The following MED12L variants were observed in gnomAD, a reference collection of about 807,000 sequenced individuals.
MED12L encodes mediator of RNA polymerase II transcription subunit 12-like protein.
Under a neutral mutation model 281.3 loss-of-function variants are expected in MED12L, and 60 were observed. The ratio of observed to expected loss-of-function variants is 0.21; its 90% confidence interval spans 0.17 to 0.26. The LOEUF is 0.26. MED12L is among the 10% of genes least tolerant of loss of function. MED12L has a pLI of 1.00. For missense variants in MED12L, 2,146 were observed against 2,680.9 expected (o/e 0.80, Z 4.41); for synonymous variants, 974 against 987.2 (o/e 0.99, Z 0.25).
At chr3:151,202,223 C>T (rs761800876) in intron 16 of MED12L, among the ~76,000 whole-genome samples, 5 of 152,210 alleles carry the variant, frequency 3.3e-5, no homozygotes, top group African/African-American at 4.8e-5. Context: ...ATCCTGTGTT[C>T]TGTGTCACAA....
intron 43 of MED12L, among the ~76,000 whole-genome samples, chr3:151,426,098 C>G (rs1268184017): frequency 6.6e-6 from 1 of 152,114 alleles, no homozygotes; most frequent in East Asian, 1.9e-4. Flanking sequence ...CTTACTGAAC[C>G]TATTTATTGA....
chr3:151,380,903 C>G (rs1712205842), intron 32 of MED12L, among the ~76,000 whole-genome samples: 1 of 152,204 alleles, frequency 6.6e-6, no homozygotes. Context: ...CATTATCAGG[C>G]ACGCTTTCAG....
chr3:151,124,351 G>A (rs1036528174), intron 4 of MED12L, among the ~76,000 whole-genome samples: 1 of 152,180 alleles, frequency 6.6e-6, no homozygotes, highest in Non-Finnish European at 1.5e-5. Flanking sequence ...GCCAAGTCAG[G>A]TGTTCCTCAG....
chr3:151,154,872 T>C (rs1198374781), intron 5 of MED12L, among the ~76,000 whole-genome samples: 1 of 152,234 alleles, frequency 6.6e-6, no homozygotes, highest in Non-Finnish European at 1.5e-5. Context: ...TTATCGGTGC[T>C]TTCAGAAAAA....
chr3:151,393,316 G>A (rs560059052), intron 38 of MED12L, among the ~76,000 whole-genome samples: 8 of 152,288 alleles, frequency 5.3e-5, no homozygotes, highest in Non-Finnish European at 1.2e-4. Flanking sequence ...TTCTTTAGAG[G>A]CTTTGATCAG....
intron 16 of MED12L, among the ~76,000 whole-genome samples, chr3:151,231,130 T>A (rs1731581733): frequency 6.6e-6 from 1 of 152,070 alleles, no homozygotes; most frequent in Non-Finnish European, 1.5e-5. Flanking sequence ...GAGTTTATGG[T>A]GATATTAAAA....
Position 151,158,733 on chromosome 3 carries a change from T to C in MED12L, c.771T>C (p.Asp257=). ...EKHEYLTWIL[D]VLEKIRPMDD... ...ACGAATATTTGACATGGATCCTGGATGTTTTAGAAAAGATCAGACCAATGG... is the reference window on the plus strand; with the variant it reads ...ACGAATATTTGACATGGATCCTGGACGTTTTAGAAAAGATCAGACCAATGG... The change falls in exon 7 of 45, where the codon GAT becomes GAC. Residue 257 remains aspartate (D), a synonymous_variant. Coordinates refer to ENST00000687756, the MANE Select transcript of MED12L (RefSeq NM_001393769.1). 1 of 1,613,318 alleles carries C rather than the reference T, an allele frequency of 6.2e-7. No individual in the cohort carries two copies. The highest frequency in any genetic ancestry group is 8.5e-7 in the Non-Finnish European group (1 of 1,179,562).
chr3:151,104,879 T>G (rs1314399366), intron 2 of MED12L, among the ~76,000 whole-genome samples: 2 of 152,192 alleles, frequency 1.3e-5, no homozygotes, highest in African/African-American at 4.8e-5. Flanking sequence ...TTCACATTAC[T>G]GTCTTCCCCC....
At chr3:151,388,251 G>C (rs770475474) in intron 37 of MED12L, 79 bp downstream of exon 37, 39 of 1,488,874 alleles carry the variant, frequency 2.6e-5, no homozygotes, top group Non-Finnish European at 3.3e-5. Flanking sequence ...CATATCCCTC[G>C]AAACATTACC....
chr3:151,280,684 G>A (rs2149611261), intron 16 of MED12L, among the ~76,000 whole-genome samples: 1 of 152,074 alleles, frequency 6.6e-6, no homozygotes, highest in African/African-American at 2.4e-5. Context: ...GCAGTACAAG[G>A]ATGGTGAGGG....
At chr3:151,405,929 G>A (rs1278012629) in intron 39 of MED12L, among the ~76,000 whole-genome samples, 2 of 152,190 alleles carry the variant, frequency 1.3e-5, no homozygotes, top group Admixed American at 6.5e-5. Flanking sequence ...ATCCTAATTT[G>A]CCTCTGGATT....
In MED12L at chr3:151,192,645, G is replaced by A. The variant is rs763049147; in HGVS notation, c.2064G>A (p.Ser688=). Residue 688 remains serine, a synonymous_variant, in exon 15 of 45, where the codon TCG becomes TCA. Coordinates refer to ENST00000687756, the MANE Select transcript of MED12L (RefSeq NM_001393769.1). The part of the protein sequence containing the change: ...DKSDFKTDFG[S]EFPIFSPMPG... ...GTGACTTTAAAACTGACTTTGGTTCGGAATTTCCAGTAGGTTCAATCTTTG... is the reference window on the plus strand; with the variant it reads ...GTGACTTTAAAACTGACTTTGGTTCAGAATTTCCAGTAGGTTCAATCTTTG... The A allele has an allele frequency of 2.1e-5, 32 of 1,528,418 alleles. No individual in the cohort carries two copies. Among genetic ancestry groups the A allele is most frequent in the Admixed American group, 5.9e-5 (3 of 50,958 alleles). The allele number at this position is 1,528,418 out of a possible 1,614,324, so 94.7% of individuals were successfully genotyped here.
In MED12L at chr3:151,387,794, C is replaced by T. The variant is rs752083806; in HGVS notation, c.5089-16C>T. On this transcript the variant is annotated splice_polypyrimidine_tract_variant and intron_variant, in intron 36 of 44. Coordinates refer to ENST00000687756, the MANE Select transcript of MED12L (RefSeq NM_001393769.1). Reference sequence around the variant, plus strand: ...AAGATCTGAGTGTGCTATCTTAGAGCGCTATTTTCCCACAGGGTCTCCAGG... The same window carrying T: ...AAGATCTGAGTGTGCTATCTTAGAGTGCTATTTTCCCACAGGGTCTCCAGG... 41 of 1,597,132 alleles carry T rather than the reference C, an allele frequency of 2.6e-5. No homozygotes were observed. The highest frequency in any genetic ancestry group is 6.7e-5 in the South Asian group (6 of 89,170).
chr3:151,341,644 G>A (rs1324172710), intron 16 of MED12L, among the ~76,000 whole-genome samples: 1 of 151,416 alleles, frequency 6.6e-6, no homozygotes, highest in Non-Finnish European at 1.5e-5. Context: ...AGTTACATAT[G>A]TATACATGTG....
intron 39 of MED12L, among the ~76,000 whole-genome samples, chr3:151,408,173 C>G (rs1716547291): frequency 6.6e-6 from 1 of 152,144 alleles, no homozygotes; most frequent in Non-Finnish European, 1.5e-5. Flanking sequence ...TTGAGCCTGG[C>G]TTTTCCTGTC....
At position 151,416,391 on chromosome 3, in the gene MED12L, G is replaced by A. The variant is rs375930902; in HGVS notation, c.6377G>A (p.Gly2126Asp). The part of the protein sequence containing the change: ...QSSQSQSQTL[G>D]LQAMQPQQPL... ...TCGCAGTCCCAGAGTCAGACCCTTG[G>A]TCTCCAAGCAATGCAGCCCCAGCAG... is the stretch of plus-strand genomic sequence containing the variant. The change falls in exon 43 of 45, where the codon GGT becomes GAT. Residue 2126 changes from glycine (G) to aspartate (D), a missense_variant. Physicochemically the swap from Gly to Asp is moderately conservative, Grantham distance 94. Around this residue, in one of 9 missense-constraint regions of MED12L, gnomAD observed 496 missense variants for 512.0 expected, o/e 0.97. Transcript: ENST00000687756. The A allele has an allele frequency of 8.1e-5, 131 of 1,613,276 alleles. No individual in the cohort carries two copies. The highest frequency in any genetic ancestry group is 1.1e-4 in the Non-Finnish European group (125 of 1,179,734).
At chr3:151,151,014 T>C (rs559919237) in intron 5 of MED12L, among the ~76,000 whole-genome samples, 2 of 144,088 alleles carry the variant, frequency 1.4e-5, no homozygotes, top group African/African-American at 2.5e-5. Context: ...TTATCATTTG[T>C]ATGACTGCTG....
intron 39 of MED12L, among the ~76,000 whole-genome samples, chr3:151,395,388 G>T (rs1714828996): frequency 6.6e-6 from 1 of 152,108 alleles, no homozygotes; most frequent in African/African-American, 2.4e-5. Flanking sequence ...CAACAGTCAG[G>T]ATCTGGATAC....
At chr3:151,175,678 G>A (rs1044582480) in intron 11 of MED12L, among the ~76,000 whole-genome samples, 1 of 152,130 alleles carries the variant, frequency 6.6e-6, no homozygotes, top group African/African-American at 2.4e-5. Context: ...ACAACTATTA[G>A]GTTATTGAAT....
Sources: allele counts gnomAD v4.1 joint callset (sites outside exome capture counted in the v4.1 genomes callset), GRCh38; gene constraint gnomAD v4.1.1; regional missense constraint gnomAD v4.1.1; transcripts MANE v1.5; gene names NCBI Gene and HGNC (gene_info 2026-07-23, HGNC 2026-07-21).